The following ISOC1 variants were observed in gnomAD, a reference collection of about 807,000 sequenced individuals.
ISOC1 encodes the protein isochorismatase domain containing 1.
In ISOC1, 33 loss-of-function variants were observed where a neutral mutation model predicts 30.0. The observed-to-expected ratio is 1.10, with a 90% CI of 0.83 to 1.47. ISOC1 has a LOEUF of 1.47. ISOC1 is among the 40% of genes most tolerant of loss of function. The pLI is 0.00. For missense variants in ISOC1, 372 were observed against 388.0 expected, an observed-to-expected ratio of 0.96 and a Z score of 0.35; for synonymous variants, 178 against 159.8, an observed-to-expected ratio of 1.11 and a Z score of -0.86.
At position 129,112,972 on chromosome 5, in the gene ISOC1, C is replaced by T; in HGVS notation, c.868C>T (p.Pro290Ser). The change falls in exon 5 of 5, where the codon CCA becomes TCA. Residue 290 changes from proline (P) to serine (S), a missense_variant. Physicochemically the swap from Pro to Ser is moderately conservative, Grantham distance 74 (BLOSUM62 -1). Transcript: ENST00000173527. ...EIQNLIKASAPESGLLSKV is the reference protein window; with the variant it reads ...EIQNLIKASASESGLLSKV ...TCAGAATCTAATTAAGGCGAGTGCT[C>T]CAGAGTCGGGTCTGCTTTCCAAAGT... The T allele has an allele frequency of 6.2e-7, 1 of 1,613,522 alleles. No individual in the cohort carries two copies. Among genetic ancestry groups the T allele is most frequent in the Non-Finnish European group, 8.5e-7 (1 of 1,179,644 alleles).
intron 4 of ISOC1, among the ~76,000 whole-genome samples, chr5:129,109,325 A>G (rs1753676977): frequency 1.3e-5 from 2 of 152,238 alleles, no homozygotes; most frequent in African/African-American, 4.8e-5. Flanking sequence ...TGAAATGGAA[A>G]TGATAATAGC....
Position 129,113,114 on chromosome 5 carries a change from C to T in ISOC1, c.*113C>T, listed in dbSNP as rs571069816. The T allele has an allele frequency of 4.9e-5, 51 of 1,047,568 alleles. 1 individual carries two copies. Among genetic ancestry groups the T allele is most frequent in the African/African-American group, 6.5e-5 (4 of 61,674 alleles). The allele number at this position is 1,047,568 out of a possible 1,614,324, so 64.9% of individuals were successfully genotyped here. The stretch of plus-strand genomic sequence containing the variant: ...TAGAATTAAAATGTTAAGTCAAAAA[C>T]GGCTCCTTTTTTGCGCCTCCTAGTG... On this transcript the variant is annotated 3_prime_UTR_variant, in exon 5 of 5. Coordinates refer to ENST00000173527, the MANE Select transcript of ISOC1 (RefSeq NM_016048.2).
rs761178192 is a variant in ISOC1, at chr5:129,105,002, G to A, written c.356G>A (p.Cys119Tyr). Residue 119 changes from cysteine to tyrosine, a missense_variant, in exon 2 of 5, where the codon TGC becomes TAC. Coordinates refer to ENST00000173527, the MANE Select transcript of ISOC1 (RefSeq NM_016048.2). ...NLTPSSTVFF[C>Y]CDMQERFRPA... ...ACACCTTCAAGCACTGTGTTTTTCT[G>A]CTGTGATATGCAGGAAAGGTTCAGA... 1.4e-5 allele frequency: 22 copies of A among 1,613,580 alleles called. No individual in the cohort carries two copies. Among genetic ancestry groups the A allele is most frequent in the Admixed American group, 5.0e-5 (3 of 59,982 alleles).
chr5:129,105,783 G>A (rs530402110), intron 3 of ISOC1, among the ~76,000 whole-genome samples: 1 of 152,082 alleles, frequency 6.6e-6, no homozygotes, highest in Non-Finnish European at 1.5e-5. Flanking sequence ...TCATATTTTT[G>A]TGCTAGAAGA....
intron 1 of ISOC1, 53 bp from the exon 2 acceptor site, chr5:129,104,903 A>G: frequency 6.3e-7 from 1 of 1,582,612 alleles, no homozygotes; most frequent in East Asian, 2.2e-5. Flanking sequence ...TCCACTGAAA[A>G]TAAATGTCAT....
intron 1 of ISOC1, among the ~76,000 whole-genome samples, chr5:129,101,910 A>G (rs150746977): frequency 1.3e-5 from 2 of 152,118 alleles, no homozygotes; most frequent in Non-Finnish European, 2.9e-5. Context: ...AATGTCCCTC[A>G]ATTTTGATTC....
chr5:129,098,769 G>T lies in ISOC1; in HGVS notation c.309+3694G>T, dbSNP rs567958511. On this transcript the variant is annotated intron_variant, in intron 1 of 4. Transcript: ENST00000173527. The stretch of plus-strand genomic sequence containing the variant: ...GACCTTTTCCCAAGATGGTTAACTG[G>T]CAGGGCATTTTGCTCCAGCTTTCAT... Among the ~76,000 whole-genome samples, 52 of 152,254 alleles carry T rather than the reference G, an allele frequency of 3.4e-4. 1 individual carries two copies. The South Asian group carries it at 9.9e-3, about 29-fold the overall frequency.
intron 3 of ISOC1, among the ~76,000 whole-genome samples, chr5:129,106,724 C>A (rs1342970416): frequency 6.6e-6 from 1 of 152,130 alleles, no homozygotes; most frequent in African/African-American, 2.4e-5. Flanking sequence ...GTATCAGAAA[C>A]ATTGGCCTAA....
intron 3 of ISOC1, 31 bp downstream of exon 3, chr5:129,105,419 A>G: frequency 1.3e-6 from 2 of 1,545,032 alleles, no homozygotes; most frequent in Non-Finnish European, 1.8e-6. Flanking sequence ...TTTAGGCACA[A>G]TATTATTTAT....
chr5:129,100,119 C>G (rs1753552319), intron 1 of ISOC1, among the ~76,000 whole-genome samples: 1 of 151,824 alleles, frequency 6.6e-6, no homozygotes, highest in Admixed American at 6.6e-5. Flanking sequence ...ATAACGATGC[C>G]CCAGGTCCCC....
At chr5:129,105,468 G>T (rs554160426) in intron 3 of ISOC1, 80 bp downstream of exon 3, 6 of 1,177,546 alleles carry the variant, frequency 5.1e-6, no homozygotes, top group Non-Finnish European at 7.3e-6. Flanking sequence ...TTCATATATG[G>T]TATGCCAGGT....
rs73239508 is a variant in ISOC1, at chr5:129,113,289, T to G, written c.*288T>G. On this transcript the variant is annotated 3_prime_UTR_variant, in exon 5 of 5. Transcript: ENST00000173527. ...TGCCTGTTTTGTCTCTACTGTGTAC[T>G]CTGATCGTATCTTTCCAAAGTGCAG... 0.029 allele frequency: 6,746 copies of G among 234,124 alleles called. 216 individuals carry two copies. The highest frequency in any genetic ancestry group is 0.097 in the African/African-American group (4,310 of 44,468). The allele number at this position is 234,124 out of a possible 1,614,324, so 14.5% of individuals were successfully genotyped here. A position where few individuals can be genotyped will look rare whatever the true frequency, so the allele number is the denominator to read the frequency against.
Position 129,112,950 on chromosome 5 carries a change from G to T in ISOC1, c.846G>T (p.Gln282His), listed in dbSNP as rs750734315. Residue 282 changes from glutamine to histidine, a missense_variant, in exon 5 of 5, where the codon CAG (glutamine) becomes CAT (histidine). Coordinates refer to ENST00000173527, the MANE Select transcript of ISOC1 (RefSeq NM_016048.2). ...ACCATCCAAAATTCAAGGAAATTCAGAATCTAATTAAGGCGAGTGCTCCAG... is the reference window on the plus strand; with the variant it reads ...ACCATCCAAAATTCAAGGAAATTCATAATCTAATTAAGGCGAGTGCTCCAG... The part of the protein sequence containing the change: ...DKDHPKFKEI[Q>H]NLIKASAPES... 3.2e-5 allele frequency: 51 copies of T among 1,613,660 alleles called. 1 individual carries two copies. In the South Asian group the frequency reaches 5.6e-4, roughly 18 times the overall value.
rs1239251851 is a variant in ISOC1 at position 129,094,753 on chromosome 5, A to T, written c.-14A>T. Reference sequence around the variant, plus strand: ...GACTGGGCGGCCTCGGAGCTCGCAGACGCTCGGGGGAACATGGCGGCTGCG... The same window carrying T: ...GACTGGGCGGCCTCGGAGCTCGCAGTCGCTCGGGGGAACATGGCGGCTGCG... On this transcript the variant is annotated 5_prime_UTR_variant, in exon 1 of 5. Coordinates refer to ENST00000173527, the MANE Select transcript of ISOC1 (RefSeq NM_016048.2). The T allele has an allele frequency of 1.4e-6, 2 of 1,414,874 alleles. No individual in the cohort carries two copies. The highest frequency in any genetic ancestry group is 3.0e-5 in the African/African-American group (2 of 66,940). The allele number at this position is 1,414,874 out of a possible 1,614,324, so 87.6% of individuals were successfully genotyped here.
At chr5:129,104,923 A>G (rs1373106438) in intron 1 of ISOC1, 33 bp from the exon 2 acceptor site, 3 of 1,602,824 alleles carry the variant, frequency 1.9e-6, no homozygotes, top group Non-Finnish European at 2.6e-6. Context: ...TTGTACAACA[A>G]GTGCTAAATC....
At chr5:129,108,281 C>T (rs1000660384) in intron 4 of ISOC1, among the ~76,000 whole-genome samples, 1 of 152,144 alleles carries the variant, frequency 6.6e-6, no homozygotes, top group Non-Finnish European at 1.5e-5. Flanking sequence ...TACAGGGCCA[C>T]AGGGTGGTGG....
intron 1 of ISOC1, 44 bp from the exon 2 acceptor site, chr5:129,104,912 A>G: frequency 6.3e-7 from 1 of 1,592,648 alleles, no homozygotes; most frequent in African/African-American, 1.3e-5. Flanking sequence ...AATAAATGTC[A>G]TTGTACAACA....
intron 1 of ISOC1, among the ~76,000 whole-genome samples, chr5:129,101,018 T>TG (rs1241221501): frequency 1.0e-4 from 13 of 125,286 alleles, no homozygotes; most frequent in South Asian, 2.9e-4. Context: ...TTCCCTATTG[T>TG]TTTTGTTTGT....
At chr5:129,095,272 A>G (rs1474442851) in intron 1 of ISOC1, among the ~76,000 whole-genome samples, 197 bp downstream of exon 1, 1 of 152,104 alleles carries the variant, frequency 6.6e-6, no homozygotes, top group Non-Finnish European at 1.5e-5. Flanking sequence ...TCCAAAGGTG[A>G]TGGTCACCAG....
Sources: allele counts gnomAD v4.1 joint callset (sites outside exome capture counted in the v4.1 genomes callset), GRCh38; gene constraint gnomAD v4.1.1; transcripts MANE v1.5; gene names NCBI Gene and HGNC (gene_info 2026-07-23, HGNC 2026-07-21).